SKIL: variants seen among roughly 807,000 people sequenced by gnomAD.
SKIL encodes the protein SKI like proto-oncogene.
A neutral mutation model predicts 69.6 loss-of-function variants in SKIL; 20 were observed. The observed-to-expected ratio is 0.29, with a 90% CI of 0.20 to 0.42. The LOEUF (loss-of-function observed/expected upper bound fraction) is 0.42. SKIL is among the 10% of genes least tolerant of loss of function. SKIL has a pLI of 1.00. For missense variants in SKIL, 745 were observed against 783.1 expected (o/e 0.95, Z 0.58); for synonymous variants, 310 against 279.9 (o/e 1.11, Z -1.08).
intron 5 of SKIL, 123 bp from the exon 6 acceptor site, chr3:170,390,913 T>C: frequency 5.3e-6 from 3 of 566,742 alleles, no homozygotes. Context: ...AATAATTACC[T>C]CTATATAGAA....
intron 2 of SKIL, among the ~76,000 whole-genome samples, chr3:170,370,083 C>G (rs1040339365): frequency 2.6e-5 from 4 of 151,510 alleles, no homozygotes; most frequent in African/African-American, 7.3e-5. Context: ...ACTAAAAATA[C>G]AAAAAATTAG....
intron 1 of SKIL, among the ~76,000 whole-genome samples, chr3:170,358,096 C>T (rs1736025417): frequency 6.6e-6 from 1 of 152,142 alleles, no homozygotes; most frequent in Admixed American, 6.5e-5. Context: ...TCCCCCAGTC[C>T]AGCAGCGCTC....
chr3:170,389,567 G>A (rs1041719278), intron 4 of SKIL, among the ~76,000 whole-genome samples: 12 of 152,062 alleles, frequency 7.9e-5, no homozygotes, highest in African/African-American at 2.7e-4. Flanking sequence ...GCCCTTCTCG[G>A]CCTCCCAAAG....
chr3:170,367,043 T>G (rs1736564657), intron 2 of SKIL, among the ~76,000 whole-genome samples: 1 of 152,236 alleles, frequency 6.6e-6, no homozygotes, highest in African/African-American at 2.4e-5. Flanking sequence ...AATGTTTACT[T>G]AAGATTATTT....
rs1188246455 is a variant in SKIL, at chr3:170,395,968, A to G, written c.*3551A>G. The G allele has an allele frequency of 6.6e-6, 1 of 151,686 alleles. No homozygotes were observed. The highest frequency in any genetic ancestry group is 1.5e-5 in the Non-Finnish European group (1 of 67,856). The allele number at this position is 151,686 out of a possible 1,614,324, so 9.4% of individuals were successfully genotyped here. On this transcript the variant is annotated 3_prime_UTR_variant, in exon 7 of 7. Coordinates refer to ENST00000259119, the MANE Select transcript of SKIL (RefSeq NM_005414.5). ...TTAAGCATTTCCACTTTTGGAAGAA[A>G]AGTGTATTAGTATTTTATATTGCAT...
intron 2 of SKIL, among the ~76,000 whole-genome samples, chr3:170,367,345 C>T (rs990418152): frequency 2.6e-5 from 4 of 152,096 alleles, no homozygotes; most frequent in South Asian, 2.1e-4. Context: ...CTCCTGACGT[C>T]GTCATCCTCC....
chr3:170,372,417 G>A (rs988692753), intron 2 of SKIL, among the ~76,000 whole-genome samples: 6 of 152,208 alleles, frequency 3.9e-5, no homozygotes, highest in Non-Finnish European at 8.8e-5. Flanking sequence ...ATCAGTTAGT[G>A]CAGATGCTTA....
intron 2 of SKIL, among the ~76,000 whole-genome samples, chr3:170,364,019 C>T (rs1392284347): frequency 6.6e-6 from 1 of 151,650 alleles, no homozygotes; most frequent in Non-Finnish European, 1.5e-5. Context: ...GGCACGATCT[C>T]GGCTCACTGC....
At chr3:170,370,443 C>T (rs1384182676) in intron 2 of SKIL, among the ~76,000 whole-genome samples, 118 of 7,496 alleles carry the variant, frequency 0.016, 4 homozygotes, top group African/African-American at 0.11. Flanking sequence ...GAGAGAGCCC[C>T]CCCCCCCCCC....
At chr3:170,372,359 C>G (rs1736836746) in intron 2 of SKIL, among the ~76,000 whole-genome samples, 1 of 152,158 alleles carries the variant, frequency 6.6e-6, no homozygotes, top group African/African-American at 2.4e-5. Flanking sequence ...GATCTTTCAG[C>G]CTGTGGAAAC....
At chr3:170,381,376 AT>A in intron 3 of SKIL, 35 bp downstream of exon 3, 1 of 984,420 alleles carries the variant, frequency 1.0e-6, no homozygotes, top group Non-Finnish European at 1.7e-6. Context: ...TTGTTCATTC[AT>A]TTCTTCATTC....
intron 2 of SKIL, among the ~76,000 whole-genome samples, chr3:170,362,345 A>G (rs1186735962): frequency 1.3e-5 from 2 of 152,020 alleles, no homozygotes; most frequent in African/African-American, 4.8e-5. Flanking sequence ...TCTACTAAAA[A>G]TACAAAAATT....
intron 4 of SKIL, 193 bp downstream of exon 4, chr3:170,384,958 C>G: frequency 2.3e-6 from 1 of 438,940 alleles, no homozygotes; most frequent in Non-Finnish European, 4.1e-6. Context: ...GTGGTGATAG[C>G]TCAGGAGACT....
intron 4 of SKIL, among the ~76,000 whole-genome samples, chr3:170,387,323 G>C (rs1478822182): frequency 6.6e-6 from 1 of 152,058 alleles, no homozygotes; most frequent in Non-Finnish European, 1.5e-5. Context: ...AATCCATTAG[G>C]AGTCACTCCC....
Position 170,390,271 on chromosome 3 carries a change from C to T in SKIL, c.1478C>T (p.Ala493Val). Residue 493 changes from alanine to valine, a missense_variant, in exon 5 of 7, where the codon GCC becomes GTC. Ala to Val is a moderately conservative substitution (Grantham distance 64, BLOSUM62 0). Coordinates refer to ENST00000259119, the MANE Select transcript of SKIL (RefSeq NM_005414.5). ...NSTSKRKSES[A>V]TCNLVRDINK... is the part of the protein sequence containing the mutation. ...ACAAGTAAAAGGAAATCTGAGTCTG[C>T]CACTTGCAACTTAGTCAGAGACATA... 1 of 1,611,952 alleles carries T rather than the reference C, an allele frequency of 6.2e-7. No individual in the cohort carries two copies. Among genetic ancestry groups the T allele is most frequent in the Non-Finnish European group, 8.5e-7 (1 of 1,178,162 alleles).
intron 3 of SKIL, among the ~76,000 whole-genome samples, chr3:170,383,437 A>C (rs1737461675): frequency 6.6e-6 from 1 of 152,222 alleles, no homozygotes; most frequent in Admixed American, 6.5e-5. Flanking sequence ...GTCAAGTCTT[A>C]AATGGTTACA....
chr3:170,388,872 T>G (rs1045700608), intron 4 of SKIL, among the ~76,000 whole-genome samples: 1 of 139,390 alleles, frequency 7.2e-6, no homozygotes, highest in Admixed American at 7.5e-5. Context: ...ATTTATTTAT[T>G]TATTTATTTA....
chr3:170,372,900 ACTGCTT>A (rs1560212132), intron 2 of SKIL, among the ~76,000 whole-genome samples: 3 of 152,186 alleles, frequency 2.0e-5, no homozygotes, highest in Non-Finnish European at 4.4e-5. Flanking sequence ...AACCTACACT[ACTGCTT>A]CTGTCTTATG....
At chr3:170,363,491 T>C (rs1211062854) in intron 2 of SKIL, among the ~76,000 whole-genome samples, 1 of 149,094 alleles carries the variant, frequency 6.7e-6, no homozygotes, top group Non-Finnish European at 1.5e-5. Context: ...ATTAACTGAT[T>C]TTTTTTTTTT....
Sources: allele counts gnomAD v4.1 joint callset (sites outside exome capture counted in the v4.1 genomes callset), GRCh38; gene constraint gnomAD v4.1.1; transcripts MANE v1.5; gene names NCBI Gene and HGNC (gene_info 2026-07-23, HGNC 2026-07-21).